The following TIAM2 variants were observed in gnomAD, a reference collection of about 807,000 sequenced individuals.
The protein encoded by TIAM2 is rho guanine nucleotide exchange factor TIAM2.
Under a neutral mutation model 152.9 loss-of-function variants are expected in TIAM2, and 80 were observed. The ratio of observed to expected loss-of-function variants is 0.52; its 90% CI spans 0.44 to 0.63. The LOEUF is 0.63. Among genes scored for constraint, TIAM2 ranks in the 30% least tolerant of loss-of-function variants. The pLI is 0.00. For missense variants in TIAM2, 1,965 were observed against 2,120.1 expected, an observed-to-expected ratio of 0.93 and a Z score of 1.44; for synonymous variants, 804 against 838.0, an observed-to-expected ratio of 0.96 and a Z score of 0.70.
intron 23 of TIAM2, among the ~76,000 whole-genome samples, chr6:155,252,487 AATAAAGTAG>A (rs1441882613): frequency 6.6e-6 from 1 of 152,160 alleles, no homozygotes; most frequent in Non-Finnish European, 1.5e-5. Flanking sequence ...TAAATAAGTA[AATAAAGTAG>A]ATAAATACTC....
At chr6:155,165,742 T>C (rs1023283041) in intron 9 of TIAM2, among the ~76,000 whole-genome samples, 1 of 152,056 alleles carries the variant, frequency 6.6e-6, no homozygotes, top group Admixed American at 6.6e-5. Context: ...GAGCCATGAT[T>C]TTGCCACTGT....
Position 155,254,028 on chromosome 6 carries a change from ACGG to A in TIAM2, c.4283_4285del (p.Arg1428del), listed in dbSNP as rs1298947741. The A allele has an allele frequency of 6.2e-7, 1 of 1,614,062 alleles. No homozygotes were observed. Among genetic ancestry groups the A allele is most frequent in the African/African-American group, 1.3e-5 (1 of 74,944 alleles). On this transcript the variant is annotated inframe_deletion, in exon 25 of 27. Transcript: ENST00000682666. ...TCCATACGAAGTCAGAAATAGAAGG[ACGG>A]CCAGAAACCATCTTTCAGTTGTGTT...
chr6:155,064,138 GT>G, intron 1 of TIAM2, among the ~76,000 whole-genome samples: 1 of 152,062 alleles, frequency 6.6e-6, no homozygotes, highest in African/African-American at 2.4e-5. Context: ...TTGATATAGA[GT>G]TTTATTGACA....
intron 14 of TIAM2, among the ~76,000 whole-genome samples, chr6:155,192,639 CAAA>C (rs74340822): frequency 9.0e-5 from 13 of 144,266 alleles, no homozygotes; most frequent in Admixed American, 2.0e-4. Context: ...CTCCTCAAAC[CAAA>C]AAAAAAAAAA....
Position 155,240,568 on chromosome 6 carries a change from C to G in TIAM2, c.3207C>G (p.Asn1069Lys). Reference protein sequence around the residue: ...EQITALCRSFNDSQANGMEGP... With the variant: ...EQITALCRSFKDSQANGMEGP... ...TCACTGCACTGTGCAGGAGTTTTAACGACAGTCAGGCCAACGGCATGGAAG... is the reference window on the plus strand; with the variant it reads ...TCACTGCACTGTGCAGGAGTTTTAAGGACAGTCAGGCCAACGGCATGGAAG... The change falls in exon 16 of 27, where the codon AAC becomes AAG. Residue 1069 changes from asparagine (N) to lysine (K), a missense_variant. Around this residue, in one of 3 missense-constraint regions of TIAM2, gnomAD observed 935 missense variants for 980.0 expected, o/e 0.95. Transcript: ENST00000682666. 1.9e-6 allele frequency: 3 copies of G among 1,614,098 alleles called. No individual in the cohort carries two copies. Among genetic ancestry groups the G allele is most frequent in the Non-Finnish European group, 2.5e-6 (3 of 1,180,020 alleles).
intron 1 of TIAM2, among the ~76,000 whole-genome samples, chr6:155,028,805 AC>A: frequency 7.4e-6 from 1 of 135,318 alleles, no homozygotes; most frequent in South Asian, 2.3e-4. Flanking sequence ...TGTGTTATAT[AC>A]TATATATAAT....
intron 1 of TIAM2, among the ~76,000 whole-genome samples, chr6:155,029,779 T>A (rs1346365012): frequency 6.8e-6 from 1 of 146,746 alleles, no homozygotes; most frequent in Non-Finnish European, 1.5e-5. Flanking sequence ...CCTAAAGACT[T>A]TTTGTGTTTT....
At chr6:155,168,796 G>T in intron 9 of TIAM2, 1 of 1,445,178 alleles carries the variant, frequency 6.9e-7, no homozygotes, top group South Asian at 1.3e-5. Context: ...GCTGGCAGAT[G>T]AATATTACAG....
At chr6:155,187,573 C>CCCTTTTTTTTTTTTT (rs1189509294) in intron 14 of TIAM2, among the ~76,000 whole-genome samples, 2 of 49,620 alleles carry the variant, frequency 4.0e-5, no homozygotes, top group African/African-American at 1.6e-4. Context: ...ACCCCGCCCC[C>CCCTTTTTTTTTTTTT]TTTTTTTTTT....
intron 15 of TIAM2, among the ~76,000 whole-genome samples, chr6:155,227,915 G>A (rs904757423): frequency 3.3e-5 from 5 of 152,178 alleles, no homozygotes; most frequent in African/African-American, 4.8e-5. Flanking sequence ...GGGCGCAACC[G>A]AATTATTTTC....
At chr6:155,216,996 T>C in intron 15 of TIAM2, 1 of 1,263,150 alleles carries the variant, frequency 7.9e-7, no homozygotes, top group Non-Finnish European at 1.0e-6. Flanking sequence ...AGAGACAACG[T>C]GTGTCTTACA....
chr6:155,036,639 T>A (rs1437741144), intron 1 of TIAM2, among the ~76,000 whole-genome samples: 2 of 151,018 alleles, frequency 1.3e-5, no homozygotes, highest in Non-Finnish European at 2.9e-5. Context: ...TTTTTTGAGA[T>A]GGAGTTTTAC....
Position 155,218,514 on chromosome 6 carries a change from C to A in TIAM2, c.3168+7207C>A, listed in dbSNP as rs1781927945. Among the ~76,000 whole-genome samples the A allele has an allele frequency of 6.6e-6, 1 of 152,166 alleles. No individual in the cohort carries two copies. The highest frequency in any genetic ancestry group is 2.4e-5 in the African/African-American group (1 of 41,422). On this transcript the variant is annotated intron_variant, in intron 15 of 26. Coordinates refer to ENST00000682666, the MANE Select transcript of TIAM2 (RefSeq NM_012454.4). This position sits in a 1 kb window ranked among gnomAD's most constrained non-coding sequence, Gnocchi z 4.5. ...ACCCAACCTTTGTAAGCCTGTGTGT[C>A]CTCCTCTATGAATAAACATAACACC...
intron 7 of TIAM2, among the ~76,000 whole-genome samples, chr6:155,163,738 C>G (rs1301018214): frequency 2.0e-5 from 3 of 152,162 alleles, no homozygotes; most frequent in Non-Finnish European, 4.4e-5. Flanking sequence ...TTCAGTTAAT[C>G]CAGTTTAGGA....
intron 14 of TIAM2, among the ~76,000 whole-genome samples, chr6:155,193,256 TA>T (rs1310137361): frequency 6.6e-6 from 1 of 152,006 alleles, no homozygotes; most frequent in East Asian, 1.9e-4. Context: ...AATAAAAAAT[TA>T]GCTGGGCATG....
rs188883437 is a variant in TIAM2 at position 155,180,673 on chromosome 6, G to A, written c.2707+1217G>A. ...GCTGGAGTGCAGTGGCATGATCTCG[G>A]CTCACTGCAACCTCCGCCTCCTGGG... is the stretch of plus-strand genomic sequence containing the variant. On this transcript the variant is annotated intron_variant, in intron 12 of 26. Transcript: ENST00000682666. Among the ~76,000 whole-genome samples, 516 of 152,108 alleles carry A rather than the reference G, an allele frequency of 3.4e-3. 6 individuals are homozygous for A. The highest frequency in any genetic ancestry group is 0.011 in the African/African-American group (467 of 41,510).
intron 2 of TIAM2, among the ~76,000 whole-genome samples, chr6:155,106,876 A>C (rs1778704469): frequency 6.6e-6 from 1 of 152,246 alleles, no homozygotes; most frequent in Non-Finnish European, 1.5e-5. Context: ...CAGCCCATGG[A>C]AAACCACTTT....
chr6:155,112,661 C>A (rs552810857), intron 2 of TIAM2, among the ~76,000 whole-genome samples: 1 of 152,282 alleles, frequency 6.6e-6, no homozygotes, highest in African/African-American at 2.4e-5. Context: ...ACTTAAGTAT[C>A]CAGTGGACAC....
At chr6:155,175,639 T>C (rs779599505) in intron 9 of TIAM2, among the ~76,000 whole-genome samples, 2 of 152,252 alleles carry the variant, frequency 1.3e-5, no homozygotes, top group African/African-American at 2.4e-5. Context: ...CACACTTTGC[T>C]GGTAGAGTCT....
Sources: allele counts gnomAD v4.1 joint callset (sites outside exome capture counted in the v4.1 genomes callset), GRCh38; gene constraint gnomAD v4.1.1; regional missense constraint gnomAD v4.1.1; non-coding constraint Gnocchi (gnomAD v3.1); transcripts MANE v1.5; gene names NCBI Gene and HGNC (gene_info 2026-07-23, HGNC 2026-07-21).